Variants in GDF10 observed in about 807,000 individuals in gnomAD.
GDF10 encodes growth/differentiation factor 10.
In GDF10, 23 loss-of-function variants were observed where a neutral mutation model predicts 32.1. The ratio of observed to expected loss-of-function variants is 0.72; its 90% confidence interval spans 0.52 to 1.02. GDF10 has a LOEUF of 1.02. Ranked by LOEUF, GDF10 falls within the 50% of genes least tolerant of loss-of-function variation. The pLI, the probability that GDF10 is intolerant of heterozygous loss-of-function variation, is 0.00. For synonymous variants in GDF10, 328 were observed against 303.1 expected, an observed-to-expected ratio of 1.08 and a Z score of -0.85; for missense variants, 764 against 673.9, an observed-to-expected ratio of 1.13 and a Z score of -1.48.
intron 1 of GDF10, among the ~76,000 whole-genome samples, chr10:47,305,289 G>A (rs1000089486): frequency 4.6e-5 from 7 of 152,148 alleles, no homozygotes; most frequent in Admixed American, 2.6e-4. Context: ...CTGCTAGTGC[G>A]CTCTGCAGAG....
Position 47,310,459 on chromosome 10 carries a change from T to C in GDF10, c.983T>C (p.Phe328Ser), listed in dbSNP as rs1555207617. The C allele has an allele frequency of 6.2e-7, 1 of 1,613,566 alleles. No homozygotes were observed. Among genetic ancestry groups the C allele is most frequent in the Non-Finnish European group, 8.5e-7 (1 of 1,179,742 alleles). ...FHKHQLWPSP[F>S]RALKPRPGRK... ...AAGCACCAGCTGTGGCCCAGCCCCTTCCGGGCGCTGAAACCCCGGCCAGGG... is the reference window on the plus strand; with the variant it reads ...AAGCACCAGCTGTGGCCCAGCCCCTCCCGGGCGCTGAAACCCCGGCCAGGG... The change falls in exon 2 of 3, where the codon TTC becomes TCC. Residue 328 changes from phenylalanine to serine, a missense_variant. Phe to Ser is a radical substitution (Grantham distance 155). Coordinates refer to ENST00000580279, the MANE Select transcript of GDF10 (RefSeq NM_004962.5).
At chr10:47,306,787 A>G (rs1588843670) in intron 1 of GDF10, among the ~76,000 whole-genome samples, 1 of 152,080 alleles carries the variant, frequency 6.6e-6, no homozygotes, top group Non-Finnish European at 1.5e-5. Flanking sequence ...ATGAAGGTGG[A>G]AGGAAGCGTG....
At chr10:47,301,921 G>A (rs1264246005) in intron 1 of GDF10, among the ~76,000 whole-genome samples, 1 of 152,170 alleles carries the variant, frequency 6.6e-6, no homozygotes, top group Non-Finnish European at 1.5e-5. Context: ...GAGCTAGACA[G>A]CCTGGGGTCA....
At chr10:47,307,053 TGAG>T (rs1268500899) in intron 1 of GDF10, among the ~76,000 whole-genome samples, 1 of 152,030 alleles carries the variant, frequency 6.6e-6, no homozygotes, top group Non-Finnish European at 1.5e-5. Flanking sequence ...AACTGTGACA[TGAG>T]GAGACACTGA....
At chr10:47,303,308 C>A (rs1489274946) in intron 1 of GDF10, among the ~76,000 whole-genome samples, 22 of 152,184 alleles carry the variant, frequency 1.4e-4, no homozygotes, top group Non-Finnish European at 3.2e-4. Context: ...CAAATGCCTC[C>A]ATCCCCACAG....
At position 47,303,694 on chromosome 10, in the gene GDF10, C is replaced by G. The variant is rs1479319251; in HGVS notation, c.319+2724C>G. 2.6e-5 allele frequency among the ~76,000 whole-genome samples: 4 copies of G among 152,150 alleles called. 1 individual carries two copies. The highest frequency in any genetic ancestry group is 7.2e-5 in the African/African-American group (3 of 41,422). On this transcript the variant is annotated intron_variant, in intron 1 of 2. Coordinates refer to ENST00000580279, the MANE Select transcript of GDF10 (RefSeq NM_004962.5). ...GTGGGGAAAGCCTATGAACCTGACCCTAAGGGTTAAGGTTAGACCACCCCT... is the reference window on the plus strand; with the variant it reads ...GTGGGGAAAGCCTATGAACCTGACCGTAAGGGTTAAGGTTAGACCACCCCT...
rs1555207524 is a variant in GDF10 at position 47,310,112 on chromosome 10, G to A, written c.636G>A (p.Ala212=). 3.1e-6 allele frequency: 5 copies of A among 1,609,682 alleles called. No individual in the cohort carries two copies. The highest frequency in any genetic ancestry group is 1.1e-5 in the South Asian group (1 of 91,026). Reference sequence around the variant, plus strand: ...AGGACATCTCCCCCATCGTCAAGGCGGCCCGCCGGGATGGCGAGCTGCTCC... The same window carrying A: ...AGGACATCTCCCCCATCGTCAAGGCAGCCCGCCGGGATGGCGAGCTGCTCC... ...QAKDISPIVK[A]ARRDGELLLS... is the part of the protein sequence containing the mutation. Residue 212 remains alanine (A), a synonymous_variant, in exon 2 of 3, where the codon GCG becomes GCA. Coordinates refer to ENST00000580279, the MANE Select transcript of GDF10 (RefSeq NM_004962.5).
rs782709992 is a variant in GDF10, at chr10:47,309,818, G to A, written c.342G>A (p.Val114=). Residue 114 remains valine (V), a synonymous_variant, in exon 2 of 3, where the codon GTG becomes GTA. Transcript: ENST00000580279. The part of the protein sequence containing the change: ...ARLEVVDQKA[V]YFFNLTSMQD... Reference sequence around the variant, plus strand: ...CAGAAGTGGTCGACCAGAAGGCCGTGTATTTCTTCAACCTGACTTCCATGC... The same window carrying A: ...CAGAAGTGGTCGACCAGAAGGCCGTATATTTCTTCAACCTGACTTCCATGC... 3.1e-6 allele frequency: 5 copies of A among 1,610,540 alleles called. No homozygotes were observed. In the African/African-American group the frequency reaches 4.0e-5, roughly 13 times the overall value.
chr10:47,313,173 C>A lies in GDF10; in HGVS notation c.*381C>A, dbSNP rs1035485578. On this transcript the variant is annotated 3_prime_UTR_variant, in exon 3 of 3. Transcript: ENST00000580279. ...GCTCGCTCCCTGCACACGGAAAGAA[C>A]TCTGTTTAAATGCTCAGTTCAGAAC... 1 of 162,704 alleles carries A rather than the reference C, an allele frequency of 6.1e-6. No individual in the cohort carries two copies. Among genetic ancestry groups the A allele is most frequent in the East Asian group, 1.8e-4 (1 of 5,642 alleles). 10.1% of individuals were successfully genotyped at this position (162,704 alleles called of 1,614,324 possible).
rs1555206740 is a variant in GDF10 at position 47,300,691 on chromosome 10, C to T, written c.40C>T (p.Pro14Ser). The change falls in exon 1 of 3, where the codon CCC becomes TCC. Residue 14 changes from proline to serine, a missense_variant. Transcript: ENST00000580279. Reference protein sequence around the residue: ...VPARTSPGPGPQLLLLLLPLF... With the variant: ...VPARTSPGPGSQLLLLLLPLF... ...CGCTCGGACCAGCCCGGGACCCGGG[C>T]CCCAGCTGCTGCTGCTGCTGCTGCC... 2 of 1,602,496 alleles carry T rather than the reference C, an allele frequency of 1.2e-6. No homozygotes were observed. Among genetic ancestry groups the T allele is most frequent in the African/African-American group, 1.4e-5 (1 of 73,896 alleles).
rs1555207424 is a variant in GDF10, at chr10:47,309,924, T to C, written c.448T>C (p.Cys150Arg). The change falls in exon 2 of 3, where the codon TGC (cysteine) becomes CGC (arginine). Residue 150 changes from cysteine (C) to arginine (R), a missense_variant. Coordinates refer to ENST00000580279, the MANE Select transcript of GDF10 (RefSeq NM_004962.5). ...PRWPRALEVLCKPRAKNASGR... is the reference protein window; with the variant it reads ...PRWPRALEVLRKPRAKNASGR... ...GTGGCCTCGAGCGCTCGAGGTGCTA[T>C]GCAAGCCGCGGGCCAAGAACGCTTC... 3 of 1,612,696 alleles carry C rather than the reference T, an allele frequency of 1.9e-6. No individual in the cohort carries two copies. The highest frequency in any genetic ancestry group is 2.2e-5 in the East Asian group (1 of 44,846).
At chr10:47,303,817 A>G (rs1262460822) in intron 1 of GDF10, among the ~76,000 whole-genome samples, 10 of 152,220 alleles carry the variant, frequency 6.6e-5, no homozygotes, top group Non-Finnish European at 1.2e-4. Flanking sequence ...AAATAATACT[A>G]CATACTCACC....
chr10:47,308,362 G>GT (rs2061030684), intron 1 of GDF10, among the ~76,000 whole-genome samples: 1 of 152,168 alleles, frequency 6.6e-6, no homozygotes, highest in South Asian at 2.1e-4. Flanking sequence ...TGGCAGGTTT[G>GT]TTGTGAGGAT....
chr10:47,309,902 G>A lies in GDF10; in HGVS notation c.426G>A (p.Trp142Ter). ...TFHFYSEPPR[W>*]PRALEVLCKP... ...ACTTCTACTCAGAGCCGCCTCGGTGGCCTCGAGCGCTCGAGGTGCTATGCA... is the reference window on the plus strand; with the variant it reads ...ACTTCTACTCAGAGCCGCCTCGGTGACCTCGAGCGCTCGAGGTGCTATGCA... Residue 142 changes from tryptophan to a stop codon, truncating the protein, a stop_gained, in exon 2 of 3, where the codon TGG (tryptophan) becomes TGA (stop). Transcript: ENST00000580279. LOFTEE classifies it high-confidence loss of function. 2 of 1,612,846 alleles carry A rather than the reference G, an allele frequency of 1.2e-6. No individual in the cohort carries two copies. The highest frequency in any genetic ancestry group is 1.7e-6 in the Non-Finnish European group (2 of 1,179,752).
intron 1 of GDF10, among the ~76,000 whole-genome samples, chr10:47,309,158 T>G (rs558450521): frequency 6.6e-6 from 1 of 152,336 alleles, no homozygotes; most frequent in Non-Finnish European, 1.5e-5. Context: ...AAAACAATCT[T>G]AAAAGTCCTC....
chr10:47,300,558 G>C lies in GDF10; in HGVS notation c.-94G>C. 8.5e-7 allele frequency: 1 copy of C among 1,175,088 alleles called. No homozygotes were observed. Among genetic ancestry groups the C allele is most frequent in the Non-Finnish European group, 1.2e-6 (1 of 858,782 alleles). The allele number at this position is 1,175,088 out of a possible 1,614,324, so 72.8% of individuals were successfully genotyped here. ...CCTGCTGCCCGGGCTCTCCCCGCGC[G>C]CCCTACTGCCGCGAGGTCAGTCCGC... On this transcript the variant is annotated 5_prime_UTR_variant, in exon 1 of 3. Coordinates refer to ENST00000580279, the MANE Select transcript of GDF10 (RefSeq NM_004962.5).
Position 47,310,069 on chromosome 10 carries a change from G to A in GDF10, c.593G>A (p.Arg198His), listed in dbSNP as rs782499950. The change falls in exon 2 of 3, where the codon CGC (arginine) becomes CAC (histidine). Residue 198 changes from arginine to histidine, a missense_variant. By Grantham distance (29) the Arg-to-His change is conservative. Coordinates refer to ENST00000580279, the MANE Select transcript of GDF10 (RefSeq NM_004962.5). Reference sequence around the variant, plus strand: ...GCCATGGCCCTGGCGCCCCCACCGCGCGGCCTGTGGCAGGCCAAGGACATC... The same window carrying A: ...GCCATGGCCCTGGCGCCCCCACCGCACGGCCTGTGGCAGGCCAAGGACATC... ...RGAMALAPPP[R>H]GLWQAKDISP... is the part of the protein sequence containing the mutation. 6.9e-5 allele frequency: 111 copies of A among 1,605,696 alleles called. 1 individual carries two copies. In the South Asian group the frequency reaches 1.1e-3, roughly 16 times the overall value.
At chr10:47,304,487 C>A (rs1407915312) in intron 1 of GDF10, among the ~76,000 whole-genome samples, 2 of 151,872 alleles carry the variant, frequency 1.3e-5, no homozygotes, top group Non-Finnish European at 2.9e-5. Flanking sequence ...TTGGGGAAAA[C>A]CTGGAAATTA....
intron 1 of GDF10, 117 bp from the exon 2 acceptor site, chr10:47,309,676 GGGA>G (rs764355179): frequency 2.0e-4 from 135 of 668,756 alleles, no homozygotes; most frequent in Non-Finnish European, 3.3e-4. Flanking sequence ...AGCAAAGCGG[GGGA>G]GGAGGATGGT....
Sources: gnomAD v4.1 joint callset for allele counts (sites outside exome capture counted in the v4.1 genomes callset) on GRCh38, gnomAD v4.1.1 for gene constraint, MANE v1.5 for transcripts, NCBI Gene and HGNC (gene_info 2026-07-23, HGNC 2026-07-21) for gene names.